NUP35: variants seen among roughly 807,000 people sequenced by gnomAD.
NUP35 encodes nucleoporin NUP35.
NUP35 carries 25 observed loss-of-function variants against 41.5 expected under a neutral mutation model. The observed-to-expected ratio is 0.60, with a 90% confidence interval of 0.44 to 0.84. The LOEUF (loss-of-function observed/expected upper bound fraction) is 0.84, where lower values mean the gene tolerates loss of function less well. NUP35 is among the 40% of genes least tolerant of loss of function. The pLI, the probability that NUP35 is intolerant of heterozygous loss-of-function variation, is 0.00. For missense variants in NUP35, 396 were observed against 396.6 expected, an observed-to-expected ratio of 1.00 and a Z score of 0.01; for synonymous variants, 149 against 130.7, an observed-to-expected ratio of 1.14 and a Z score of -0.96.
At chr2:183,159,389 T>C in intron 7 of NUP35, 99 bp from the exon 8 acceptor site, 1 of 934,466 alleles carries the variant, frequency 1.1e-6, no homozygotes, top group Non-Finnish European at 1.6e-6. Flanking sequence ...AATAAAGTAT[T>C]TCATCTTTAT....
chr2:183,149,533 G>T (rs1036077650), intron 4 of NUP35, among the ~76,000 whole-genome samples: 3 of 152,158 alleles, frequency 2.0e-5, no homozygotes, highest in Non-Finnish European at 4.4e-5. Context: ...ATCACATGAA[G>T]TTGCCTCTGG....
chr2:183,144,893 G>A (rs143214368), intron 4 of NUP35, among the ~76,000 whole-genome samples: 18 of 152,270 alleles, frequency 1.2e-4, no homozygotes, highest in African/African-American at 3.8e-4. Context: ...TTGCTTATTC[G>A]TTTGAGACTT....
At chr2:183,128,484 A>G (rs1225736632) in intron 2 of NUP35, 27 bp downstream of exon 2, 2 of 1,595,216 alleles carry the variant, frequency 1.3e-6, no homozygotes, top group South Asian at 2.2e-5. Context: ...AAATAATTTT[A>G]TAGACATGCT....
At position 183,160,011 on chromosome 2, in the gene NUP35, G is replaced by A. The variant is rs551238000; in HGVS notation, c.903+359G>A. The A allele has an allele frequency of 2.8e-5, 5 of 175,828 alleles. No homozygotes were observed. In the South Asian group the frequency reaches 4.2e-4, roughly 15 times the overall value. The allele number at this position is 175,828 out of a possible 1,614,324, so 10.9% of individuals were successfully genotyped here. A position where few individuals can be genotyped will look rare whatever the true frequency, so the allele number is the denominator to read the frequency against. On this transcript the variant is annotated intron_variant, in intron 8 of 8. Coordinates refer to ENST00000295119, the MANE Select transcript of NUP35 (RefSeq NM_138285.5). ...TGACTAAATTGATGGTATCCAAAGT[G>A]CAGAACCTTAGGTTGGAGTAGCTTT... is the stretch of plus-strand genomic sequence containing the variant.
chr2:183,127,635 T>C (rs540863416), intron 1 of NUP35, among the ~76,000 whole-genome samples: 10 of 152,354 alleles, frequency 6.6e-5, no homozygotes, highest in Admixed American at 1.3e-4. Flanking sequence ...GTGTTTGATA[T>C]GCTAAGCTTT....
chr2:183,124,802 C>T (rs567616738), intron 1 of NUP35, among the ~76,000 whole-genome samples: 14 of 152,328 alleles, frequency 9.2e-5, no homozygotes, highest in Admixed American at 5.9e-4. Context: ...CCTTAACCTC[C>T]TTCTGATACC....
At chr2:183,117,807 G>A (rs904051756) in intron 1 of NUP35, among the ~76,000 whole-genome samples, 1 of 152,218 alleles carries the variant, frequency 6.6e-6, no homozygotes, top group East Asian at 1.9e-4. Flanking sequence ...AGATATACAA[G>A]CAGTTTGGTG....
At chr2:183,147,368 A>G (rs961824299) in intron 4 of NUP35, among the ~76,000 whole-genome samples, 4 of 152,090 alleles carry the variant, frequency 2.6e-5, no homozygotes, top group Admixed American at 2.0e-4. Context: ...CATCTTGGTT[A>G]ATTTTTTTTA....
At chr2:183,124,338 G>C, upstream of NUP35, 3 of 1,584,584 alleles carry the variant, frequency 1.9e-6, no homozygotes, top group South Asian at 3.4e-5. Context: ...CTTAAGCATA[G>C]CGCAGGTCCG....
At chr2:183,127,252 G>C (rs933747890) in intron 1 of NUP35, among the ~76,000 whole-genome samples, 1 of 151,688 alleles carries the variant, frequency 6.6e-6, no homozygotes, top group African/African-American at 2.4e-5. Context: ...CTTTATATTA[G>C]GGGGATATTT....
At chr2:183,140,237 T>A (rs1685040537) in intron 4 of NUP35, among the ~76,000 whole-genome samples, 1 of 152,176 alleles carries the variant, frequency 6.6e-6, no homozygotes, top group Non-Finnish European at 1.5e-5. Flanking sequence ...AGGAGAATTT[T>A]TTTTTTCTTT....
intron 2 of NUP35, among the ~76,000 whole-genome samples, chr2:183,129,541 T>G (rs1439412161): frequency 6.6e-6 from 1 of 152,220 alleles, no homozygotes; most frequent in Non-Finnish European, 1.5e-5. Flanking sequence ...AACATTAAAT[T>G]TCAAATGTGT....
At chr2:183,120,468 G>T (rs1204450626), upstream of NUP35, among the ~76,000 whole-genome samples, 3 of 142,706 alleles carry the variant, frequency 2.1e-5, no homozygotes, top group Non-Finnish European at 3.0e-5. Context: ...AAAAAAGAAA[G>T]TTTTGGCTAC....
At chr2:183,131,482 A>G (rs1053974095) in intron 3 of NUP35, 1 of 152,334 alleles carries the variant, frequency 6.6e-6, no homozygotes, top group African/African-American at 2.4e-5. Flanking sequence ...GATTCGTGCT[A>G]TTTATAGGCT....
Position 183,132,234 on chromosome 2 carries a change from G to A in NUP35, c.340-1332G>A, listed in dbSNP as rs1011765671. 1.1e-4 allele frequency among the ~76,000 whole-genome samples: 16 copies of A among 152,072 alleles called. No individual in the cohort carries two copies. The South Asian group carries it at 3.3e-3, about 32-fold the overall frequency. ...GATGGGATTTGTCCTGTTGCCCAGG[G>A]TGGTCTTGAACTCCTGAGCTCAAGT... On this transcript the variant is annotated intron_variant, in intron 3 of 8. Transcript: ENST00000295119.
chr2:183,159,644 G>C lies in NUP35; in HGVS notation c.895G>C (p.Asp299His). 6.2e-7 allele frequency: 1 copy of C among 1,610,898 alleles called. No individual in the cohort carries two copies. The highest frequency in any genetic ancestry group is 8.5e-7 in the Non-Finnish European group (1 of 1,178,338). Reference sequence around the variant, plus strand: ...TACAGCATACAAAGCCTCTACTAGTGATTATCAGGTATTTTAAGGATTGGA... The same window carrying C: ...TACAGCATACAAAGCCTCTACTAGTCATTATCAGGTATTTTAAGGATTGGA... Reference protein sequence around the residue: ...LATAYKASTSDYQVISDRQTP... With the variant: ...LATAYKASTSHYQVISDRQTP... Residue 299 changes from aspartate (D) to histidine (H), a missense_variant, in exon 8 of 9, where the codon GAT becomes CAT. By Grantham distance (81) the Asp-to-His change is moderately conservative. Transcript: ENST00000295119.
chr2:183,137,285 A>G (rs921470490), intron 4 of NUP35, among the ~76,000 whole-genome samples: 1 of 152,170 alleles, frequency 6.6e-6, no homozygotes, highest in Non-Finnish European at 1.5e-5. Context: ...ACACGCAGAA[A>G]TAGTGATTAT....
intron 7 of NUP35, among the ~76,000 whole-genome samples, chr2:183,158,959 T>TGTTCAC (rs1685772448): frequency 6.6e-6 from 1 of 152,168 alleles, no homozygotes; most frequent in Admixed American, 6.5e-5. Flanking sequence ...GAACATTCTT[T>TGTTCAC]AAGTATATGT....
intron 1 of NUP35, among the ~76,000 whole-genome samples, chr2:183,127,970 G>A (rs1684556401): frequency 6.6e-6 from 1 of 151,904 alleles, no homozygotes; most frequent in South Asian, 2.1e-4. Flanking sequence ...GCTACTGAGA[G>A]GCTGAGGAGG....
Sources: gnomAD v4.1 joint callset for allele counts (sites outside exome capture counted in the v4.1 genomes callset) on GRCh38, gnomAD v4.1.1 for gene constraint, MANE v1.5 for transcripts, NCBI Gene and HGNC (gene_info 2026-07-23, HGNC 2026-07-21) for gene names.